SAMD4A: variants seen among roughly 807,000 people sequenced by gnomAD.
SAMD4A encodes protein Smaug homolog 1.
SAMD4A carries 33 observed loss-of-function variants against 81.3 expected under a neutral mutation model. The observed-to-expected ratio is 0.41, with a 90% CI of 0.31 to 0.54. The LOEUF (loss-of-function observed/expected upper bound fraction) is 0.54, where lower values mean the gene tolerates loss of function less well. SAMD4A is among the 20% of genes least tolerant of loss of function. The pLI is 0.37. For synonymous variants in SAMD4A, 389 were observed against 382.1 expected (o/e 1.02, Z -0.21); for missense variants, 854 against 951.1 (o/e 0.90, Z 1.34).
chr14:54,707,342 A>C (rs753765942), intron 3 of SAMD4A, among the ~76,000 whole-genome samples: 10 of 151,894 alleles, frequency 6.6e-5, no homozygotes, highest in Non-Finnish European at 1.5e-4. Context: ...GGGCTCAAAT[A>C]ATCCTCCTGC....
intron 2 of SAMD4A, among the ~76,000 whole-genome samples, chr14:54,608,592 T>C (rs954270718): frequency 2.6e-5 from 4 of 152,218 alleles, no homozygotes; most frequent in Non-Finnish European, 5.9e-5. Context: ...ATACTGGACA[T>C]GCTGTGCTGG....
At chr14:54,765,482 G>T (rs969153182) in intron 8 of SAMD4A, among the ~76,000 whole-genome samples, 1 of 150,932 alleles carries the variant, frequency 6.6e-6, no homozygotes, top group African/African-American at 2.4e-5. Flanking sequence ...AAAAAGCCAG[G>T]TGTGGTGGCG....
At chr14:54,763,048 G>C (rs972496241) in intron 7 of SAMD4A, among the ~76,000 whole-genome samples, 3 of 151,612 alleles carry the variant, frequency 2.0e-5, no homozygotes, top group Non-Finnish European at 2.9e-5. Flanking sequence ...GTAGAGACGG[G>C]GTTTCACCGT....
chr14:54,736,250 G>C (rs2037688272), intron 3 of SAMD4A, among the ~76,000 whole-genome samples: 1 of 152,228 alleles, frequency 6.6e-6, no homozygotes. Flanking sequence ...GTTGCCCACT[G>C]TGTAGAAGGG....
intron 12 of SAMD4A, among the ~76,000 whole-genome samples, chr14:54,785,516 C>G (rs1250570426): frequency 6.6e-6 from 1 of 152,162 alleles, no homozygotes; most frequent in Non-Finnish European, 1.5e-5. Context: ...TTTCCAATAG[C>G]CCTATCCAGT....
At chr14:54,670,039 CTGAG>C (rs994748306) in intron 2 of SAMD4A, among the ~76,000 whole-genome samples, 12 of 152,180 alleles carry the variant, frequency 7.9e-5, no homozygotes, top group African/African-American at 2.9e-4. Context: ...TGTGAACGCA[CTGAG>C]TGTTTGTTGT....
chr14:54,582,450 A>G (rs1334527764), intron 2 of SAMD4A, among the ~76,000 whole-genome samples: 1 of 152,128 alleles, frequency 6.6e-6, no homozygotes, highest in Non-Finnish European at 1.5e-5. Flanking sequence ...AGATGCCTCA[A>G]AGACAAAGAA....
chr14:54,766,948 T>C (rs1032161830), intron 8 of SAMD4A, among the ~76,000 whole-genome samples: 1 of 152,154 alleles, frequency 6.6e-6, no homozygotes, highest in East Asian at 1.9e-4. Flanking sequence ...GTTTTGTTTT[T>C]TCCCCTTGAC....
chr14:54,762,471 T>C (rs898970872), intron 7 of SAMD4A, among the ~76,000 whole-genome samples: 1 of 152,336 alleles, frequency 6.6e-6, no homozygotes. Flanking sequence ...ACAGCTTCCC[T>C]TGGAGCTTGA....
intron 3 of SAMD4A, among the ~76,000 whole-genome samples, chr14:54,728,718 A>G (rs1355966891): frequency 6.6e-6 from 1 of 152,226 alleles, no homozygotes; most frequent in East Asian, 1.9e-4. Flanking sequence ...TCAGGGCTAC[A>G]TAATACATTT....
At chr14:54,621,032 A>G (rs2034602116) in intron 2 of SAMD4A, among the ~76,000 whole-genome samples, 3 of 152,134 alleles carry the variant, frequency 2.0e-5, no homozygotes, top group African/African-American at 7.2e-5. Flanking sequence ...TTGGCCTCCT[A>G]AAGTTCTGGG....
chr14:54,615,028 A>G (rs1478879508), intron 2 of SAMD4A, among the ~76,000 whole-genome samples: 3 of 152,282 alleles, frequency 2.0e-5, no homozygotes, highest in East Asian at 1.9e-4. Context: ...GTCAGATGCC[A>G]TGTATCTAGT....
chr14:54,699,848 T>TTTCATTA (rs2036667956), intron 2 of SAMD4A, among the ~76,000 whole-genome samples: 1 of 152,190 alleles, frequency 6.6e-6, no homozygotes, highest in Admixed American at 6.6e-5. Context: ...ATTCTGAGTC[T>TTTCATTA]TTCATTATTC....
chr14:54,577,174 G>A (rs955036091), intron 2 of SAMD4A, among the ~76,000 whole-genome samples: 2 of 152,228 alleles, frequency 1.3e-5, no homozygotes, highest in African/African-American at 4.8e-5. Flanking sequence ...GATGAGGTAG[G>A]CATGTATCCA....
chr14:54,764,040 C>CTT (rs1293071889), intron 7 of SAMD4A, among the ~76,000 whole-genome samples: 4 of 152,210 alleles, frequency 2.6e-5, no homozygotes, highest in Non-Finnish European at 2.9e-5. Flanking sequence ...GTCTCTGCAC[C>CTT]TGGCGAGGGG....
At chr14:54,680,659 G>C (rs184966770) in intron 2 of SAMD4A, among the ~76,000 whole-genome samples, 6 of 152,308 alleles carry the variant, frequency 3.9e-5, no homozygotes, top group African/African-American at 1.4e-4. Context: ...ATAATGTTAA[G>C]GTTTTAAGAA....
intron 2 of SAMD4A, among the ~76,000 whole-genome samples, chr14:54,688,783 C>G (rs900930314): frequency 6.6e-6 from 1 of 152,166 alleles, no homozygotes; most frequent in Non-Finnish European, 1.5e-5. Context: ...TTCACATCAG[C>G]CTTACTCGAT....
intron 3 of SAMD4A, among the ~76,000 whole-genome samples, chr14:54,715,866 A>C (rs2037105234): frequency 6.6e-6 from 1 of 152,204 alleles, no homozygotes; most frequent in African/African-American, 2.4e-5. Context: ...TAGAAAGAAA[A>C]GAAAATTGGC....
chr14:54,691,552 A>T (rs1307327939), intron 2 of SAMD4A, among the ~76,000 whole-genome samples: 1 of 44,414 alleles, frequency 2.3e-5, no homozygotes, highest in African/African-American at 7.8e-5. Context: ...CCCTTCTCAA[A>T]AAAAAAAAAA....
Sources: gnomAD v4.1 joint callset for allele counts (sites outside exome capture counted in the v4.1 genomes callset) on GRCh38, gnomAD v4.1.1 for gene constraint, MANE v1.5 for transcripts, NCBI Gene and HGNC (gene_info 2026-07-23, HGNC 2026-07-21) for gene names.